ELF1: variants seen among roughly 807,000 people sequenced by gnomAD.
ELF1 encodes the protein ETS-related transcription factor Elf-1.
ELF1 carries 24 observed loss-of-function variants against 59.9 expected under a neutral mutation model. The ratio of observed to expected loss-of-function variants is 0.40; its 90% CI spans 0.29 to 0.56. The LOEUF (loss-of-function observed/expected upper bound fraction) is 0.56, where lower values mean the gene tolerates loss of function less well. ELF1 is among the 20% of genes least tolerant of loss of function. The pLI, the probability that ELF1 is intolerant of heterozygous loss-of-function variation, is 0.44. For missense variants in ELF1, 627 were observed against 742.2 expected (o/e 0.84, Z 1.80); for synonymous variants, 248 against 266.2 (o/e 0.93, Z 0.67).
At chr13:41,009,884 C>G (rs1459490086) in intron 1 of ELF1, among the ~76,000 whole-genome samples, 1 of 151,942 alleles carries the variant, frequency 6.6e-6, no homozygotes, top group African/African-American at 2.4e-5. Context: ...TGCAGCAGTT[C>G]TCAAACTTTT....
intron 1 of ELF1, among the ~76,000 whole-genome samples, chr13:41,007,285 C>T (rs994570545): frequency 2.0e-5 from 3 of 151,982 alleles, no homozygotes; most frequent in African/African-American, 4.8e-5. Context: ...TTAATTCAGT[C>T]TGAAGTTAAA....
intron 1 of ELF1, among the ~76,000 whole-genome samples, chr13:40,997,139 C>T (rs1874165606): frequency 6.6e-6 from 1 of 152,220 alleles, no homozygotes; most frequent in Non-Finnish European, 1.5e-5. Context: ...GTTACCAACA[C>T]ATTTGAAAGA....
intron 1 of ELF1, among the ~76,000 whole-genome samples, chr13:41,060,062 C>G (rs537579103): frequency 3.2e-3 from 482 of 152,338 alleles, no homozygotes; most frequent in African/African-American, 0.011. Flanking sequence ...TGACTGCGAC[C>G]AGCGCCCCTT....
intron 1 of ELF1, among the ~76,000 whole-genome samples, chr13:41,057,109 T>C (rs1275552990): frequency 6.6e-6 from 1 of 151,512 alleles, no homozygotes; most frequent in Non-Finnish European, 1.5e-5. Flanking sequence ...CTTCTTTAAA[T>C]ACCAGCGTTC....
intron 8 of ELF1, 81 bp from the exon 9 acceptor site, chr13:40,934,109 A>T (rs1869604279): frequency 6.7e-7 from 1 of 1,503,370 alleles, no homozygotes; most frequent in African/African-American, 1.4e-5. Context: ...AAGTCATTTT[A>T]CAAAATACCA....
intron 1 of ELF1, among the ~76,000 whole-genome samples, chr13:41,010,539 T>C (rs1015293589): frequency 6.7e-6 from 1 of 149,118 alleles, no homozygotes; most frequent in Admixed American, 6.8e-5. Context: ...AGATCACATG[T>C]AGCACATCGA....
intron 1 of ELF1, among the ~76,000 whole-genome samples, chr13:41,026,024 T>G (rs991659420): frequency 6.6e-6 from 1 of 152,200 alleles, no homozygotes; most frequent in Non-Finnish European, 1.5e-5. Flanking sequence ...CCTAGACCTA[T>G]GTTCACAGGG....
At chr13:40,943,551 T>C (rs2138135833) in intron 6 of ELF1, among the ~76,000 whole-genome samples, 1 of 152,330 alleles carries the variant, frequency 6.6e-6, no homozygotes, top group Admixed American at 6.5e-5. Flanking sequence ...CAAGACAACA[T>C]ATTAAAGGGT....
chr13:41,013,868 T>A lies in ELF1; in HGVS notation c.-229+5360A>T, dbSNP rs192646476. Among the ~76,000 whole-genome samples the A allele has an allele frequency of 1.8e-3, 274 of 152,138 alleles. 2 individuals carry two copies. The highest frequency in any genetic ancestry group is 6.4e-3 in the African/African-American group (266 of 41,564). Reference sequence around the variant, plus strand: ...CATAAATTGTTACACTTCATTTTAATAGTTTTATTATAAAATTTTATAGTT... The same window carrying A: ...CATAAATTGTTACACTTCATTTTAAAAGTTTTATTATAAAATTTTATAGTT... On this transcript the variant is annotated intron_variant, in intron 1 of 8. Coordinates refer to ENST00000239882, the MANE Select transcript of ELF1 (RefSeq NM_172373.4).
intron 2 of ELF1, among the ~76,000 whole-genome samples, chr13:40,974,321 TC>T (rs1350107582): frequency 1.5e-4 from 23 of 152,178 alleles, no homozygotes; most frequent in Admixed American, 1.5e-3. Context: ...TAATAATTCT[TC>T]CATATTTTAA....
Position 41,010,876 on chromosome 13 carries a change from G to A in ELF1, c.-229+8352C>T, listed in dbSNP as rs1875025897. 1.3e-5 allele frequency among the ~76,000 whole-genome samples: 2 copies of A among 152,100 alleles called. 1 individual carries two copies. Among genetic ancestry groups the A allele is most frequent in the Admixed American group, 1.3e-4 (2 of 15,266 alleles). ...ACTGCTTATACATACACTATGGGAA[G>A]TATTTCAGGAAAGAGAGCCAAGGGA... is the stretch of plus-strand genomic sequence containing the variant. On this transcript the variant is annotated intron_variant, in intron 1 of 8. Transcript: ENST00000239882.
intron 1 of ELF1, among the ~76,000 whole-genome samples, chr13:41,002,637 A>C (rs1339199318): frequency 1.3e-5 from 2 of 151,886 alleles, no homozygotes; most frequent in Non-Finnish European, 2.9e-5. Context: ...ATAAATAAAT[A>C]AATCAGTGTC....
chr13:41,060,745 A>T (rs1212444858), intron 1 of ELF1: 1 of 168,762 alleles, frequency 5.9e-6, no homozygotes, highest in African/African-American at 2.4e-5. Context: ...GCGTTCCCAT[A>T]CCGGGAGTCG....
intron 2 of ELF1, among the ~76,000 whole-genome samples, chr13:40,978,252 T>C (rs947685751): frequency 2.6e-5 from 4 of 151,608 alleles, no homozygotes; most frequent in Non-Finnish European, 5.9e-5. Context: ...GTGGTGCGTG[T>C]CTGTAGTCCC....
chr13:41,001,471 G>T (rs1360463133), intron 1 of ELF1, among the ~76,000 whole-genome samples: 1 of 151,926 alleles, frequency 6.6e-6, no homozygotes, highest in African/African-American at 2.4e-5. Flanking sequence ...AACCACAAAA[G>T]ATCTCAAATA....
chr13:40,957,843 A>G (rs1593362364), intron 3 of ELF1, among the ~76,000 whole-genome samples: 1 of 152,332 alleles, frequency 6.6e-6, no homozygotes, highest in East Asian at 1.9e-4. Context: ...CAGTCATTCT[A>G]CCTTTCCCCG....
At chr13:41,012,210 G>A (rs1472092062) in intron 1 of ELF1, among the ~76,000 whole-genome samples, 1 of 150,658 alleles carries the variant, frequency 6.6e-6, no homozygotes, top group African/African-American at 2.4e-5. Flanking sequence ...CTACTTCGGA[G>A]GCCGAGGCAG....
chr13:40,970,466 C>A (rs1416247021), intron 2 of ELF1, among the ~76,000 whole-genome samples: 2 of 152,166 alleles, frequency 1.3e-5, no homozygotes, highest in African/African-American at 4.8e-5. Flanking sequence ...TTGTAAGAAT[C>A]CAAGTGTATA....
chr13:41,051,696 G>A (rs901276175), intron 1 of ELF1, among the ~76,000 whole-genome samples: 1 of 151,930 alleles, frequency 6.6e-6, no homozygotes, highest in East Asian at 1.9e-4. Context: ...AAAGATTTAC[G>A]ACAATCTAGA....
Sources: allele counts gnomAD v4.1 joint callset (sites outside exome capture counted in the v4.1 genomes callset), GRCh38; gene constraint gnomAD v4.1.1; transcripts MANE v1.5; gene names NCBI Gene and HGNC (gene_info 2026-07-23, HGNC 2026-07-21).